The following GLI2 variants were observed in gnomAD, a reference collection of about 807,000 sequenced individuals.
GLI2 encodes the protein transcription activator GLI2.
Under a neutral mutation model 78.9 loss-of-function variants are expected in GLI2, and 22 were observed. The observed-to-expected ratio is 0.28, with a 90% CI of 0.20 to 0.40. The LOEUF (loss-of-function observed/expected upper bound fraction) is 0.40. Among genes scored for constraint, GLI2 ranks in the 10% least tolerant of loss-of-function variants. GLI2 has a pLI of 1.00. For missense variants in GLI2, 2,097 were observed against 2,213.2 expected, an observed-to-expected ratio of 0.95 and a Z score of 1.05; for synonymous variants, 974 against 963.7, an observed-to-expected ratio of 1.01 and a Z score of -0.20.
chr2:120,976,211 C>T (rs751675075), intron 9 of GLI2, among the ~76,000 whole-genome samples: 1 of 152,228 alleles, frequency 6.6e-6, no homozygotes, highest in Admixed American at 6.5e-5. Flanking sequence ...CACATGCACG[C>T]GTCTCCGATT....
At chr2:120,902,023 C>G (rs1678283167) in intron 2 of GLI2, among the ~76,000 whole-genome samples, 3 of 152,014 alleles carry the variant, frequency 2.0e-5, no homozygotes, top group Admixed American at 2.0e-4. Context: ...CAGTTGCGTG[C>G]TGGAGCCAGC....
At chr2:120,941,439 A>G (rs558650559) in intron 3 of GLI2, among the ~76,000 whole-genome samples, 20 of 152,328 alleles carry the variant, frequency 1.3e-4, no homozygotes, top group Admixed American at 3.3e-4. Flanking sequence ...TTCCATCCAG[A>G]GGAGCGTTCT....
Position 120,927,418 on chromosome 2 carries a change from A to T in GLI2, c.206A>T (p.Gln69Leu). 1 of 1,614,006 alleles carries T rather than the reference A, an allele frequency of 6.2e-7. No homozygotes were observed. ...CCCCTACCGATTGACATGCGACACC[A>T]GGAAGGAAGGTACCATTACGAGCCT... ...HAPLPIDMRH[Q>L]EGRYHYEPHS... The change falls in exon 3 of 14, where the codon CAG becomes CTG. Residue 69 changes from glutamine (Q) to leucine (L), a missense_variant. Transcript: ENST00000361492.
At chr2:120,846,093 G>A (rs1423064721) in intron 2 of GLI2, among the ~76,000 whole-genome samples, 1 of 152,198 alleles carries the variant, frequency 6.6e-6, no homozygotes, top group Non-Finnish European at 1.5e-5. Flanking sequence ...AGACCTACTC[G>A]TGTGTTGTCA....
At chr2:120,798,044 T>C (rs1403933353) in intron 2 of GLI2, among the ~76,000 whole-genome samples, 1 of 152,058 alleles carries the variant, frequency 6.6e-6, no homozygotes, top group Non-Finnish European at 1.5e-5. Context: ...CAGCATCCCG[T>C]TGGGAAAGTT....
At chr2:120,833,323 T>C (rs988309685) in intron 2 of GLI2, among the ~76,000 whole-genome samples, 1 of 151,676 alleles carries the variant, frequency 6.6e-6, no homozygotes, top group Non-Finnish European at 1.5e-5. Flanking sequence ...CCAGAAACAT[T>C]CCCCCTGCAG....
intron 2 of GLI2, among the ~76,000 whole-genome samples, chr2:120,825,552 C>G (rs116837095): frequency 0.043 from 6,380 of 148,916 alleles, 456 homozygotes; most frequent in African/African-American, 0.15. Flanking sequence ...GAGTGTGCTC[C>G]TGGCTGTGAG....
At chr2:120,944,537 G>C (rs1375474345) in intron 3 of GLI2, among the ~76,000 whole-genome samples, 1 of 152,206 alleles carries the variant, frequency 6.6e-6, no homozygotes, top group Non-Finnish European at 1.5e-5. Flanking sequence ...CACTGCCCCA[G>C]AGTCACCTTG....
rs1317321309 is a variant in GLI2, at chr2:120,951,256, A to C, written c.268A>C (p.Ser90Arg). The C allele has an allele frequency of 7.5e-6, 12 of 1,608,546 alleles. No homozygotes were observed. Among genetic ancestry groups the C allele is most frequent in the Non-Finnish European group, 9.4e-6 (11 of 1,175,282 alleles). The change falls in exon 4 of 14, where the codon AGC becomes CGC. Residue 90 changes from serine (S) to arginine (R), a missense_variant. By Grantham distance (110) the Ser-to-Arg change is moderately radical. Coordinates refer to ENST00000361492, the MANE Select transcript of GLI2 (RefSeq NM_001374353.1). ...TTGTCTCTGCAGGCCCCCTGCCCTC[A>C]GCGGCAGCCCTGTCATCTCTGACAT... The part of the protein sequence containing the change: ...VHGVHGPPAL[S>R]GSPVISDISL...
intron 2 of GLI2, among the ~76,000 whole-genome samples, chr2:120,852,391 C>T (rs529118044): frequency 5.0e-4 from 76 of 152,288 alleles, no homozygotes; most frequent in African/African-American, 1.8e-3. Context: ...AAAGGAGGTG[C>T]TGAAACACAT....
intron 4 of GLI2, 64 bp from the exon 5 acceptor site, chr2:120,955,181 T>TTGG: frequency 1.9e-6 from 1 of 531,604 alleles, no homozygotes; most frequent in Non-Finnish European, 3.3e-6. Context: ...TTTTTTTTTT[T>TTGG]GGCAGGAGAA....
intron 2 of GLI2, among the ~76,000 whole-genome samples, chr2:120,873,970 C>T (rs1688598085): frequency 6.6e-6 from 1 of 152,190 alleles, no homozygotes. Context: ...ATGTCGGGAA[C>T]CTGCTCCAGG....
chr2:120,970,621 G>C lies in GLI2; in HGVS notation c.1059+15G>C. The C allele has an allele frequency of 6.3e-7, 1 of 1,595,552 alleles. No individual in the cohort carries two copies. Among genetic ancestry groups the C allele is most frequent in the Non-Finnish European group, 8.6e-7 (1 of 1,163,168 alleles). ...ACACCAACCAGGTAGGTGGGTGCAG[G>C]GGCCAGGATGGCCACTGGGTACTCA... On this transcript the variant is annotated intron_variant, in intron 7 of 13. Transcript: ENST00000361492.
At chr2:120,971,446 C>T (rs1682163805) in intron 7 of GLI2, among the ~76,000 whole-genome samples, 1 of 152,258 alleles carries the variant, frequency 6.6e-6, no homozygotes, top group Non-Finnish European at 1.5e-5. Context: ...CCCTCTCCAC[C>T]CCAGGGCTCC....
At chr2:120,774,680 G>A (rs552565665) in intron 1 of GLI2, among the ~76,000 whole-genome samples, 53 of 152,310 alleles carry the variant, frequency 3.5e-4, no homozygotes, top group African/African-American at 1.2e-3. Context: ...CCTCATCCTT[G>A]TGTGGGAAAA....
At chr2:120,795,662 G>T (rs1684354997) in intron 1 of GLI2, among the ~76,000 whole-genome samples, 1 of 152,122 alleles carries the variant, frequency 6.6e-6, no homozygotes, top group African/African-American at 2.4e-5. Flanking sequence ...CACACTCTCT[G>T]CAGGACCTTC....
chr2:120,844,584 A>G (rs1251929823), intron 2 of GLI2, among the ~76,000 whole-genome samples: 1 of 152,138 alleles, frequency 6.6e-6, no homozygotes, highest in Non-Finnish European at 1.5e-5. Context: ...GGAAGGTTGG[A>G]CTATGGTTTC....
At chr2:120,829,807 C>T (rs1181832794) in intron 2 of GLI2, among the ~76,000 whole-genome samples, 2 of 152,162 alleles carry the variant, frequency 1.3e-5, no homozygotes, top group Non-Finnish European at 2.9e-5. Flanking sequence ...CTTCATGGGG[C>T]ACCTTCCCCA....
intron 1 of GLI2, among the ~76,000 whole-genome samples, chr2:120,757,571 TG>T (rs1286411451): frequency 1.1e-4 from 16 of 152,376 alleles, no homozygotes; most frequent in Admixed American, 8.5e-4. Context: ...TTCCTGGCCT[TG>T]GGGCAAGAAC....
Sources: allele counts gnomAD v4.1 joint callset (sites outside exome capture counted in the v4.1 genomes callset), GRCh38; gene constraint gnomAD v4.1.1; transcripts MANE v1.5; gene names NCBI Gene and HGNC (gene_info 2026-07-23, HGNC 2026-07-21).